FLNB: variants seen among roughly 807,000 people sequenced by gnomAD.
FLNB encodes filamin-B.
A neutral mutation model predicts 250.6 loss-of-function variants in FLNB; 111 were observed. That is an observed-to-expected ratio of 0.44 (90% confidence interval 0.38 to 0.52). FLNB has a LOEUF of 0.52. FLNB is among the 20% of genes least tolerant of loss of function. FLNB has a pLI of 0.00. For synonymous variants in FLNB, 1,302 were observed against 1,372.1 expected, an observed-to-expected ratio of 0.95 and a Z score of 1.13; for missense variants, 2,869 against 3,447.8, an observed-to-expected ratio of 0.83 and a Z score of 4.20.
At chr3:58,154,739 G>T in intron 39 of FLNB, 52 bp from the exon 40 acceptor site, 1 of 1,603,784 alleles carries the variant, frequency 6.2e-7, no homozygotes, top group Non-Finnish European at 8.5e-7. Context: ...ATGGAAGAGG[G>T]ACAGGGGCTC....
At chr3:58,071,732 G>A (rs564508915) in intron 1 of FLNB, among the ~76,000 whole-genome samples, 9 of 152,178 alleles carry the variant, frequency 5.9e-5, no homozygotes, top group East Asian at 1.9e-4. Context: ...CTCTGCCACC[G>A]TGGTTAATCA....
chr3:58,080,535 C>T (rs556403171), intron 3 of FLNB, among the ~76,000 whole-genome samples: 1 of 148,274 alleles, frequency 6.7e-6, no homozygotes, highest in African/African-American at 2.5e-5. Flanking sequence ...TGCTCTGTCA[C>T]ATAGGCTGGA....
chr3:58,020,208 T>C (rs2097111768), intron 1 of FLNB, among the ~76,000 whole-genome samples: 1 of 152,194 alleles, frequency 6.6e-6, no homozygotes, highest in African/African-American at 2.4e-5. Context: ...TTTCTTCTGC[T>C]ACCTTGTTTA....
At position 58,060,038 on chromosome 3, in the gene FLNB, T is replaced by C. The variant is rs73092353; in HGVS notation, c.293-17008T>C. Among the ~76,000 whole-genome samples the C allele has an allele frequency of 6.4e-3, 982 of 152,322 alleles. 4 individuals are homozygous for C. The highest frequency in any genetic ancestry group is 9.7e-3 in the Admixed American group (149 of 15,300). Reference sequence around the variant, plus strand: ...TCTGGAAAATGGAGCCAACAGCAGTTCCTCATAAAGCAGCTGTAAGGATTC... The same window carrying C: ...TCTGGAAAATGGAGCCAACAGCAGTCCCTCATAAAGCAGCTGTAAGGATTC... On this transcript the variant is annotated intron_variant, in intron 1 of 45. Transcript: ENST00000295956.
chr3:58,108,801 T>C (rs1007748320), intron 13 of FLNB, among the ~76,000 whole-genome samples: 1 of 152,210 alleles, frequency 6.6e-6, no homozygotes, highest in African/African-American at 2.4e-5. Context: ...TGAGGCTTGT[T>C]TGTTTCAGGT....
At chr3:58,045,088 C>T (rs528054850) in intron 1 of FLNB, among the ~76,000 whole-genome samples, 37 of 152,230 alleles carry the variant, frequency 2.4e-4, no homozygotes, top group South Asian at 1.5e-3. Context: ...GGGATGTGCC[C>T]CCTCACCATC....
chr3:58,032,254 A>C (rs2097132098), intron 1 of FLNB, among the ~76,000 whole-genome samples: 1 of 152,110 alleles, frequency 6.6e-6, no homozygotes, highest in Admixed American at 6.5e-5. Flanking sequence ...TTTAAAGACA[A>C]GTTTGGGCCC....
intron 42 of FLNB, among the ~76,000 whole-genome samples, chr3:58,161,835 C>T (rs1286987878): frequency 6.6e-6 from 1 of 152,174 alleles, no homozygotes; most frequent in African/African-American, 2.4e-5. Context: ...CACCTTCACG[C>T]CACATCAATT....
At chr3:58,095,019 GC>G in intron 5 of FLNB, 65 bp downstream of exon 5, 1 of 1,228,888 alleles carries the variant, frequency 8.1e-7, no homozygotes, top group Non-Finnish European at 1.2e-6. Flanking sequence ...TTGTAATGCG[GC>G]CAGGGACTGT....
At chr3:58,132,771 C>T in intron 25 of FLNB, 37 bp from the exon 26 acceptor site, 1 of 1,613,792 alleles carries the variant, frequency 6.2e-7, no homozygotes, top group Non-Finnish European at 8.5e-7. Context: ...AAAGGTGAGG[C>T]CAGGCAGCTC....
intron 29 of FLNB, 117 bp from the exon 30 acceptor site, chr3:58,141,737 AGAGT>A: frequency 2.1e-6 from 2 of 941,750 alleles, no homozygotes; most frequent in Non-Finnish European, 3.5e-6. Context: ...GTCCTTCGCT[AGAGT>A]GAGTGGCTCA....
intron 14 of FLNB, 32 bp downstream of exon 14, chr3:58,109,354 A>G (rs778756236): frequency 1.2e-6 from 2 of 1,604,378 alleles, no homozygotes; most frequent in Admixed American, 1.7e-5. Flanking sequence ...TGGCTGTTTT[A>G]TGGAAATGCC....
chr3:58,126,836 C>A, intron 24 of FLNB, 74 bp downstream of exon 24: 1 of 1,358,262 alleles, frequency 7.4e-7, no homozygotes, highest in Non-Finnish European at 1.0e-6. Context: ...TTGGTTATCT[C>A]TCTGAGTGGG....
At chr3:58,059,198 T>C (rs1161555871) in intron 1 of FLNB, among the ~76,000 whole-genome samples, 2 of 152,240 alleles carry the variant, frequency 1.3e-5, no homozygotes, top group African/African-American at 4.8e-5. Flanking sequence ...GAGGTGGTAC[T>C]GAAGATGATA....
intron 32 of FLNB, among the ~76,000 whole-genome samples, chr3:58,145,050 T>TA (rs1332023035): frequency 6.6e-6 from 1 of 152,216 alleles, no homozygotes; most frequent in African/African-American, 2.4e-5. Context: ...TTTACTTTAG[T>TA]TGTCTGTATG....
At chr3:58,118,180 T>C in intron 18 of FLNB, among the ~76,000 whole-genome samples, 1 of 152,244 alleles carries the variant, frequency 6.6e-6, no homozygotes. Flanking sequence ...TGAGGGTGCC[T>C]GCCAATCCTG....
At position 58,164,769 on chromosome 3, in the gene FLNB, C is replaced by T. The variant is rs1024224868; in HGVS notation, c.7198+1439C>T. On this transcript the variant is annotated intron_variant, in intron 43 of 45. Transcript: ENST00000295956. This position sits in a 1 kb window ranked among gnomAD's most constrained non-coding sequence, Gnocchi z 4.0. ...TGTGAAAGGCATGGTATCATTTTACCGTAAGTGATGTCCATTTTACAGATG... is the reference window on the plus strand; with the variant it reads ...TGTGAAAGGCATGGTATCATTTTACTGTAAGTGATGTCCATTTTACAGATG... The T allele has an allele frequency of 3.9e-5, 6 of 152,150 alleles. No individual in the cohort carries two copies. The highest frequency in any genetic ancestry group is 1.9e-4 in the East Asian group (1 of 5,188). The allele number at this position is 152,150 out of a possible 1,614,324, so 9.4% of individuals were successfully genotyped here. A position where few individuals can be genotyped will look rare whatever the true frequency, so the allele number is the denominator to read the frequency against.
intron 29 of FLNB, 21 bp downstream of exon 29, chr3:58,138,550 C>G (rs200389484): frequency 6.2e-7 from 1 of 1,613,872 alleles, no homozygotes; most frequent in Middle Eastern, 1.7e-4. Flanking sequence ...TTCCTTCTCC[C>G]GAGCATGCTG....
intron 1 of FLNB, among the ~76,000 whole-genome samples, 177 bp downstream of exon 1, chr3:58,009,033 G>A (rs2097094361): frequency 6.6e-6 from 1 of 152,122 alleles, no homozygotes; most frequent in East Asian, 1.9e-4. Context: ...CTTCCCCTGG[G>A]ATGGGACCTG....
Sources: gnomAD v4.1 joint callset for allele counts (sites outside exome capture counted in the v4.1 genomes callset) on GRCh38, gnomAD v4.1.1 for gene constraint, Gnocchi (gnomAD v3.1) non-coding constraint, MANE v1.5 for transcripts, NCBI Gene and HGNC (gene_info 2026-07-23, HGNC 2026-07-21) for gene names.